The following PDGFD variants were observed in gnomAD, a reference collection of about 807,000 sequenced individuals.
PDGFD encodes the protein platelet-derived growth factor D.
In PDGFD, 30 loss-of-function variants were observed where a neutral mutation model predicts 44.7. The ratio of observed to expected loss-of-function variants is 0.67; its 90% CI spans 0.50 to 0.91. PDGFD has a LOEUF of 0.91. Among genes scored for constraint, PDGFD ranks in the 40% least tolerant of loss-of-function variants. The pLI is 0.00. For missense variants in PDGFD, 445 were observed against 457.8 expected, an observed-to-expected ratio of 0.97 and a Z score of 0.25; for synonymous variants, 173 against 168.4, an observed-to-expected ratio of 1.03 and a Z score of -0.21.
chr11:103,926,093 C>G (rs1417087277), intron 6 of PDGFD, among the ~76,000 whole-genome samples: 1 of 151,610 alleles, frequency 6.6e-6, no homozygotes, highest in Admixed American at 6.6e-5. Context: ...GACCCTGGAA[C>G]CAGTGGATTG....
intron 1 of PDGFD, among the ~76,000 whole-genome samples, chr11:104,125,519 G>A (rs944504981): frequency 2.6e-5 from 4 of 151,816 alleles, no homozygotes; most frequent in Admixed American, 6.6e-5. Context: ...ATTTTTAAAC[G>A]GTTCATATGA....
intron 1 of PDGFD, among the ~76,000 whole-genome samples, chr11:104,112,011 A>T (rs1861565738): frequency 6.6e-6 from 1 of 152,182 alleles, no homozygotes; most frequent in African/African-American, 2.4e-5. Flanking sequence ...CTCAAATAAG[A>T]ACGTAAAACC....
intron 1 of PDGFD, among the ~76,000 whole-genome samples, chr11:104,023,675 G>A (rs986433523): frequency 2.0e-5 from 3 of 152,056 alleles, no homozygotes; most frequent in African/African-American, 7.2e-5. Flanking sequence ...TGTAGCCATA[G>A]AATAAAGATT....
intron 1 of PDGFD, among the ~76,000 whole-genome samples, chr11:104,123,281 CTTT>C (rs1240660578): frequency 6.6e-6 from 1 of 152,036 alleles, no homozygotes; most frequent in Non-Finnish European, 1.5e-5. Context: ...CAGGAAGCTG[CTTT>C]TAAACAATAA....
rs1357082735 is a variant in PDGFD, at chr11:104,093,086, G to T, written c.124+70718C>A. Among the ~76,000 whole-genome samples the T allele has an allele frequency of 2.0e-5, 3 of 152,186 alleles. No individual in the cohort carries two copies. In the East Asian group the frequency reaches 5.8e-4, roughly 29 times the overall value. ...CTTTGTGGTCCCCCAGCTCCTGGGT[G>T]CAGGCATTCATCTTGTTTTCAACTA... On this transcript the variant is annotated intron_variant, in intron 1 of 6. Transcript: ENST00000393158.
chr11:104,042,159 T>A (rs955281571), intron 1 of PDGFD, among the ~76,000 whole-genome samples: 3 of 152,244 alleles, frequency 2.0e-5, no homozygotes, highest in Admixed American at 6.5e-5. Flanking sequence ...TGATTTTAAC[T>A]GATTCTGTCT....
At chr11:103,980,913 G>A (rs925192134) in intron 3 of PDGFD, among the ~76,000 whole-genome samples, 3 of 151,990 alleles carry the variant, frequency 2.0e-5, no homozygotes, top group East Asian at 3.9e-4. Context: ...CCAGTACCAT[G>A]AGAAATAAAT....
chr11:104,026,912 A>T (rs778552799), intron 1 of PDGFD, among the ~76,000 whole-genome samples: 2 of 152,256 alleles, frequency 1.3e-5, no homozygotes, highest in Non-Finnish European at 2.9e-5. Context: ...CTTGATGTCA[A>T]GTTCAACAGT....
chr11:104,082,114 G>A lies in PDGFD; in HGVS notation c.124+81690C>T, dbSNP rs142217577. Among the ~76,000 whole-genome samples, 639 of 74,102 alleles carry A rather than the reference G, an allele frequency of 8.6e-3. 14 individuals are homozygous for A. The highest frequency in any genetic ancestry group is 0.051 in the African/African-American group (605 of 11,832). 48.6% of individuals were successfully genotyped at this position (74,102 alleles called of 152,430 possible). A position where few individuals can be genotyped will look rare whatever the true frequency, so the allele number is the denominator to read the frequency against. On this transcript the variant is annotated intron_variant, in intron 1 of 6. Coordinates refer to ENST00000393158, the MANE Select transcript of PDGFD (RefSeq NM_025208.5). The stretch of plus-strand genomic sequence containing the variant: ...GCAATATGAAGTTTACTATATTTTT[G>A]TTGATGTCCATATACATACATACAT...
At chr11:104,150,411 T>A (rs543663898) in intron 1 of PDGFD, among the ~76,000 whole-genome samples, 5 of 152,330 alleles carry the variant, frequency 3.3e-5, no homozygotes, top group Non-Finnish European at 4.4e-5. Context: ...ATGAACTTTA[T>A]AATGGTTGGG....
At position 103,908,874 on chromosome 11, in the gene PDGFD, A is replaced by C. The variant is rs771365774; in HGVS notation, c.*820T>G. ...CTTTTGTGGAGGGGTTTTGCAAAGA[A>C]AAACAATTCAAAATTCTGTTACAGC... On this transcript the variant is annotated 3_prime_UTR_variant, in exon 7 of 7. Transcript: ENST00000393158. 4 of 152,240 alleles carry C rather than the reference A, an allele frequency of 2.6e-5. No homozygotes were observed. Among genetic ancestry groups the C allele is most frequent in the Non-Finnish European group, 5.9e-5 (4 of 68,044 alleles). The allele number at this position is 152,240 out of a possible 1,614,324, so 9.4% of individuals were successfully genotyped here. A position where few individuals can be genotyped will look rare whatever the true frequency, so the allele number is the denominator to read the frequency against.
At chr11:104,138,918 C>G (rs755218745) in intron 1 of PDGFD, among the ~76,000 whole-genome samples, 5 of 152,070 alleles carry the variant, frequency 3.3e-5, no homozygotes, top group East Asian at 1.9e-4. Flanking sequence ...CAAGTCACCA[C>G]GTCCAGCTAA....
At chr11:103,997,713 C>G (rs571561708) in intron 2 of PDGFD, among the ~76,000 whole-genome samples, 1 of 152,166 alleles carries the variant, frequency 6.6e-6, no homozygotes, top group Non-Finnish European at 1.5e-5. Flanking sequence ...GTATACAATA[C>G]ATGTAAATCA....
At position 104,000,207 on chromosome 11, in the gene PDGFD, A is replaced by C. The variant is rs1184906468; in HGVS notation, c.173T>G (p.Val58Gly). Residue 58 changes from valine to glycine, a missense_variant, in exon 2 of 7, where the codon GTG (valine) becomes GGG (glycine). By Grantham distance (109) the Val-to-Gly change is moderately radical. Coordinates refer to ENST00000393158, the MANE Select transcript of PDGFD (RefSeq NM_025208.5). ...ACTCTGCACGTAGCCGTTTCCTTTCACCTGGATGGTCTCATCTCTTCGGTA... is the reference window on the plus strand; with the variant it reads ...ACTCTGCACGTAGCCGTTTCCTTTCCCCTGGATGGTCTCATCTCTTCGGTA... The part of the protein sequence containing the change: ...DLYRRDETIQ[V>G]KGNGYVQSPR... 1 of 1,613,972 alleles carries C rather than the reference A, an allele frequency of 6.2e-7. No individual in the cohort carries two copies. The highest frequency in any genetic ancestry group is 2.2e-5 in the East Asian group (1 of 44,864).
At chr11:104,090,650 A>C (rs1861200065) in intron 1 of PDGFD, among the ~76,000 whole-genome samples, 1 of 151,606 alleles carries the variant, frequency 6.6e-6, no homozygotes. Flanking sequence ...AAAAATGTAC[A>C]GCAGAACAAG....
At chr11:104,156,423 T>C (rs2119922024) in intron 1 of PDGFD, among the ~76,000 whole-genome samples, 1 of 152,310 alleles carries the variant, frequency 6.6e-6, no homozygotes, top group South Asian at 2.1e-4. Context: ...CTTCAAATCG[T>C]GTTTGGCTTA....
At chr11:104,109,700 G>C (rs1475816394) in intron 1 of PDGFD, among the ~76,000 whole-genome samples, 1 of 152,022 alleles carries the variant, frequency 6.6e-6, no homozygotes, top group African/African-American at 2.4e-5. Context: ...TGAACTATTA[G>C]CTAATAATTA....
Position 103,996,328 on chromosome 11 carries a change from CAT to C in PDGFD, c.330-85_330-84del. ...ACTTTCACTGAGAAATTAAAACTAG[CAT>C]ATATGATTTGTCATGACCACAATCT... On this transcript the variant is annotated intron_variant, in intron 2 of 6. Coordinates refer to ENST00000393158, the MANE Select transcript of PDGFD (RefSeq NM_025208.5). The C allele has an allele frequency of 1.6e-5, 19 of 1,176,890 alleles. No homozygotes were observed. In the South Asian group the frequency reaches 2.6e-4, roughly 16 times the overall value. 72.9% of individuals were successfully genotyped at this position (1,176,890 alleles called of 1,614,324 possible). A position where few individuals can be genotyped will look rare whatever the true frequency, so the allele number is the denominator to read the frequency against.
At chr11:104,084,328 C>T (rs1421064820) in intron 1 of PDGFD, among the ~76,000 whole-genome samples, 1 of 152,050 alleles carries the variant, frequency 6.6e-6, no homozygotes, top group African/African-American at 2.4e-5. Context: ...CAGGAAAGCT[C>T]CTGAAGGAAA....
Sources: allele counts gnomAD v4.1 joint callset (sites outside exome capture counted in the v4.1 genomes callset), GRCh38; gene constraint gnomAD v4.1.1; transcripts MANE v1.5; gene names NCBI Gene and HGNC (gene_info 2026-07-23, HGNC 2026-07-21).